PRKCA: variants seen among roughly 807,000 people sequenced by gnomAD.
PRKCA encodes protein kinase C alpha.
PRKCA carries 27 observed loss-of-function variants against 87.0 expected under a neutral mutation model. The ratio of observed to expected loss-of-function variants is 0.31; its 90% CI spans 0.23 to 0.43. PRKCA has a LOEUF of 0.43. PRKCA is among the 20% of genes least tolerant of loss of function. PRKCA has a pLI of 1.00. For missense variants in PRKCA, 518 were observed against 852.3 expected (o/e 0.61, Z 4.88); for synonymous variants, 329 against 311.1 (o/e 1.06, Z -0.61).
chr17:66,801,767 C>T (rs1247245171), intron 16 of PRKCA, among the ~76,000 whole-genome samples: 1 of 152,160 alleles, frequency 6.6e-6, no homozygotes, highest in Non-Finnish European at 1.5e-5. Context: ...TGACAGTAAG[C>T]CTCATGTCTG....
chr17:66,447,957 T>C (rs1323644108), intron 2 of PRKCA, among the ~76,000 whole-genome samples: 5 of 152,182 alleles, frequency 3.3e-5, no homozygotes, highest in Non-Finnish European at 7.3e-5. Flanking sequence ...CGTGTAGTTA[T>C]TTGGTTATTT....
chr17:66,590,901 G>A (rs1371323596), intron 3 of PRKCA, among the ~76,000 whole-genome samples: 1 of 151,698 alleles, frequency 6.6e-6, no homozygotes, highest in Non-Finnish European at 1.5e-5. Context: ...CTTCTGAACC[G>A]GAGTGTGGAC....
At chr17:66,368,906 G>A (rs2143522748) in intron 2 of PRKCA, among the ~76,000 whole-genome samples, 1 of 152,292 alleles carries the variant, frequency 6.6e-6, no homozygotes, top group East Asian at 1.9e-4. Context: ...CAAATTACCT[G>A]ACCCAGGAGA....
intron 2 of PRKCA, among the ~76,000 whole-genome samples, chr17:66,368,300 G>C (rs1205576146): frequency 3.6e-5 from 5 of 140,830 alleles, no homozygotes; most frequent in Non-Finnish European, 7.6e-5. Flanking sequence ...ACACATATAT[G>C]TGTGTGTGTG....
rs570435179 is a variant in PRKCA, at chr17:66,519,861, A to T, written c.288+23578A>T. Reference sequence around the variant, plus strand: ...CTATGTTTGAGAATCACAACCCTAGACTATGTTTCTGGGGCCAAGATTACC... The same window carrying T: ...CTATGTTTGAGAATCACAACCCTAGTCTATGTTTCTGGGGCCAAGATTACC... On this transcript the variant is annotated intron_variant, in intron 3 of 16. Coordinates refer to ENST00000413366, the MANE Select transcript of PRKCA (RefSeq NM_002737.3). Among the ~76,000 whole-genome samples, 3 of 152,230 alleles carry T rather than the reference A, an allele frequency of 2.0e-5. No individual in the cohort carries two copies. In the South Asian group the frequency reaches 6.2e-4, roughly 32 times the overall value.
rs879211098 is a variant in PRKCA at position 66,302,868 on chromosome 17, C to T, written c.17C>T (p.Pro6Leu). 1.2e-6 allele frequency: 2 copies of T among 1,607,452 alleles called. No individual in the cohort carries two copies. Among genetic ancestry groups the T allele is most frequent in the East Asian group, 2.3e-5 (1 of 44,238 alleles). The change falls in exon 1 of 17, where the codon CCG (proline) becomes CTG (leucine). Residue 6 changes from proline (P) to leucine (L), a missense_variant. Coordinates refer to ENST00000413366, the MANE Select transcript of PRKCA (RefSeq NM_002737.3). ...GGGGGGACCATGGCTGACGTTTTCC[C>T]GGGCAACGACTCCACGGCGTCTCAG... is the stretch of plus-strand genomic sequence containing the variant. Reference protein sequence around the residue: MADVFPGNDSTASQDV... With the variant: MADVFLGNDSTASQDV...
At position 66,373,639 on chromosome 17, in the gene PRKCA, C is replaced by T. The variant is rs560982903; in HGVS notation, c.205+67512C>T. ...AACCAACAAATAATTCTAATGGCTT[C>T]CTAAATGTAGAAAGTTGGTTAATTT... is the stretch of plus-strand genomic sequence containing the variant. On this transcript the variant is annotated intron_variant, in intron 2 of 16. Transcript: ENST00000413366. Among the ~76,000 whole-genome samples, 7 of 152,292 alleles carry T rather than the reference C, an allele frequency of 4.6e-5. No homozygotes were observed. The South Asian group carries it at 1.2e-3, about 27-fold the overall frequency.
intron 2 of PRKCA, among the ~76,000 whole-genome samples, chr17:66,353,036 T>C (rs1046655954): frequency 6.6e-6 from 1 of 152,220 alleles, no homozygotes; most frequent in Non-Finnish European, 1.5e-5. Context: ...TCAAGAGTTA[T>C]TGCTAATTGT....
At chr17:66,733,692 T>C (rs1973959115) in intron 9 of PRKCA, among the ~76,000 whole-genome samples, 1 of 152,144 alleles carries the variant, frequency 6.6e-6, no homozygotes, top group South Asian at 2.1e-4. Context: ...CTCGGGAAGC[T>C]GAGGCAGGAG....
intron 2 of PRKCA, among the ~76,000 whole-genome samples, chr17:66,491,839 A>G: frequency 6.6e-6 from 1 of 152,240 alleles, no homozygotes; most frequent in East Asian, 1.9e-4. Flanking sequence ...AAGGCCAGCC[A>G]TCTCTGATTT....
chr17:66,463,893 T>C (rs757028727), intron 2 of PRKCA, among the ~76,000 whole-genome samples: 2 of 152,192 alleles, frequency 1.3e-5, no homozygotes, highest in Non-Finnish European at 2.9e-5. Flanking sequence ...TCACCCAAAG[T>C]CCACAGTTTA....
At chr17:66,460,291 A>G (rs1914785413) in intron 2 of PRKCA, among the ~76,000 whole-genome samples, 1 of 151,540 alleles carries the variant, frequency 6.6e-6, no homozygotes, top group Non-Finnish European at 1.5e-5. Context: ...CGTGGTTCTT[A>G]CTATTACTAT....
rs1971964356 is a variant in PRKCA, at chr17:66,663,609, GT to G, written c.529+18102del. Among the ~76,000 whole-genome samples the G allele has an allele frequency of 1.3e-5, 2 of 152,118 alleles. 1 individual carries two copies. Among genetic ancestry groups the G allele is most frequent in the South Asian group, 4.1e-4 (2 of 4,832 alleles). On this transcript the variant is annotated intron_variant, in intron 5 of 16. Coordinates refer to ENST00000413366, the MANE Select transcript of PRKCA (RefSeq NM_002737.3). ...CAGACGAAGTTCTAGCTCTCACTGT[GT>G]TTTGTCTCTGGTATCATCACCTTGT... is the stretch of plus-strand genomic sequence containing the variant.
intron 2 of PRKCA, among the ~76,000 whole-genome samples, chr17:66,396,493 T>A (rs1240092070): frequency 6.6e-6 from 1 of 152,184 alleles, no homozygotes; most frequent in Non-Finnish European, 1.5e-5. Context: ...TATTTGGTAA[T>A]GTAGTTTTTA....
Position 66,591,344 on chromosome 17 carries a change from G to T in PRKCA, c.289-50011G>T, listed in dbSNP as rs561339292. Among the ~76,000 whole-genome samples the T allele has an allele frequency of 1.6e-4, 24 of 151,614 alleles. No individual in the cohort carries two copies. The East Asian group carries it at 3.7e-3, about 23-fold the overall frequency. On this transcript the variant is annotated intron_variant, in intron 3 of 16. Transcript: ENST00000413366. Reference sequence around the variant, plus strand: ...ATTTTTTTTTTTTTTATTTTAGTAGGGATGAGGTCTTGCCGTGTTGCCCAG... The same window carrying T: ...ATTTTTTTTTTTTTTATTTTAGTAGTGATGAGGTCTTGCCGTGTTGCCCAG...
intron 5 of PRKCA, among the ~76,000 whole-genome samples, chr17:66,647,426 G>A (rs181152193): frequency 3.0e-4 from 46 of 152,240 alleles, no homozygotes; most frequent in African/African-American, 1.1e-3. Flanking sequence ...CTTATGGCTC[G>A]CTGTAAGGCA....
intron 3 of PRKCA, among the ~76,000 whole-genome samples, chr17:66,553,341 C>G (rs968889840): frequency 2.0e-5 from 3 of 152,142 alleles, no homozygotes; most frequent in African/African-American, 7.2e-5. Flanking sequence ...GATCAAATGT[C>G]TTCTCTAGCA....
chr17:66,583,672 A>T (rs1227383127), intron 3 of PRKCA, among the ~76,000 whole-genome samples: 1 of 152,156 alleles, frequency 6.6e-6, no homozygotes, highest in African/African-American at 2.4e-5. Flanking sequence ...AATGTTTGAA[A>T]ATGAGAAATA....
At chr17:66,531,797 G>A (rs1201630903) in intron 3 of PRKCA, among the ~76,000 whole-genome samples, 1 of 152,192 alleles carries the variant, frequency 6.6e-6, no homozygotes, top group Non-Finnish European at 1.5e-5. Flanking sequence ...CAGACATTGT[G>A]GATATCTGCA....
Sources: allele counts gnomAD v4.1 joint callset (sites outside exome capture counted in the v4.1 genomes callset), GRCh38; gene constraint gnomAD v4.1.1; transcripts MANE v1.5; gene names NCBI Gene and HGNC (gene_info 2026-07-23, HGNC 2026-07-21).